TMEM232: variants seen among roughly 807,000 people sequenced by gnomAD.
TMEM232 encodes transmembrane protein 232.
A neutral mutation model predicts 78.8 loss-of-function variants in TMEM232; 80 were observed. The observed-to-expected ratio is 1.01, with a 90% CI of 0.85 to 1.22. The LOEUF is 1.22. Ranked by LOEUF, TMEM232 falls within the 50% of genes most tolerant of loss-of-function variation. The probability of loss-of-function intolerance (pLI) is 0.00; values close to 1 mark genes in which losing one functional copy is unlikely to be tolerated. For synonymous variants in TMEM232, 297 were observed against 254.3 expected (o/e 1.17, Z -1.60); for missense variants, 881 against 742.2 (o/e 1.19, Z -2.17).
At chr5:110,717,268 T>C (rs1797108167) in intron 1 of TMEM232, among the ~76,000 whole-genome samples, 1 of 151,776 alleles carries the variant, frequency 6.6e-6, no homozygotes, top group African/African-American at 2.4e-5. Context: ...AATAAAAGTA[T>C]AAAGTTTTCT....
At chr5:110,636,498 G>A (rs1283141068) in intron 5 of TMEM232, among the ~76,000 whole-genome samples, 1 of 151,982 alleles carries the variant, frequency 6.6e-6, no homozygotes, top group East Asian at 1.9e-4. Flanking sequence ...TGCTAGTCAT[G>A]TAACAAACAC....
chr5:110,433,061 T>A (rs1758037864), intron 12 of TMEM232, among the ~76,000 whole-genome samples: 1 of 151,740 alleles, frequency 6.6e-6, no homozygotes, highest in Admixed American at 6.6e-5. Flanking sequence ...CTCACTGATA[T>A]AATTAGATAG....
chr5:110,490,962 C>G (rs1025792566), intron 12 of TMEM232, among the ~76,000 whole-genome samples: 5 of 152,012 alleles, frequency 3.3e-5, no homozygotes, highest in Admixed American at 6.6e-5. Context: ...AGCAAAAACA[C>G]ACAAAATAAA....
intron 2 of TMEM232, among the ~76,000 whole-genome samples, chr5:110,398,057 C>A (rs1242693972): frequency 1.3e-5 from 2 of 152,080 alleles, no homozygotes; most frequent in African/African-American, 4.8e-5. Flanking sequence ...TATCTCCAAG[C>A]ATCTTATTAA....
rs1356484515 is a variant in TMEM232, at chr5:110,409,827, C to G, written n.309-11973G>C. On this transcript the variant is annotated intron_variant and non_coding_transcript_variant, in intron 2 of 8. Transcript: ENST00000507188. ...ATAGAGCAGGCAAGAGGAGCTCTTT[C>G]TCTGCGCCCCAAACGCTAGCAAATC... Among the ~76,000 whole-genome samples the G allele has an allele frequency of 2.6e-5, 4 of 152,052 alleles. No individual in the cohort carries two copies. The East Asian group carries it at 5.8e-4, about 22-fold the overall frequency.
chr5:110,719,216 T>C (rs1580784019), intron 1 of TMEM232, among the ~76,000 whole-genome samples: 1 of 151,838 alleles, frequency 6.6e-6, no homozygotes, highest in Non-Finnish European at 1.5e-5. Flanking sequence ...TGTGTATATA[T>C]GTATATATGT....
At chr5:110,686,650 A>G (rs1793452827) in intron 1 of TMEM232, among the ~76,000 whole-genome samples, 1 of 152,180 alleles carries the variant, frequency 6.6e-6, no homozygotes, top group Admixed American at 6.6e-5. Context: ...ACATTTCACT[A>G]TATGCAAATT....
intron 2 of TMEM232, among the ~76,000 whole-genome samples, chr5:110,650,977 A>T (rs1788226608): frequency 6.6e-6 from 1 of 152,166 alleles, no homozygotes; most frequent in Non-Finnish European, 1.5e-5. Context: ...TGTATTTTAC[A>T]AAAATAAATG....
chr5:110,652,941 C>G (rs1338512570), intron 2 of TMEM232, among the ~76,000 whole-genome samples: 1 of 152,098 alleles, frequency 6.6e-6, no homozygotes, highest in Non-Finnish European at 1.5e-5. Context: ...ATACTGAAGT[C>G]TCCTGGTTAA....
intron 5 of TMEM232, among the ~76,000 whole-genome samples, chr5:110,628,662 A>AGTGTGT (rs146531604): frequency 0.064 from 8,962 of 140,702 alleles, 486 homozygotes; most frequent in East Asian, 0.19. Context: ...GTCAGTATCC[A>AGTGTGT]GTGTGTGTGT....
At chr5:110,480,393 T>C (rs763400693) in intron 12 of TMEM232, among the ~76,000 whole-genome samples, 1 of 152,056 alleles carries the variant, frequency 6.6e-6, no homozygotes, top group Admixed American at 6.6e-5. Flanking sequence ...AAGTTACAGA[T>C]GTTTCTTCTC....
Position 110,528,602 on chromosome 5 carries a change from T to G in TMEM232, c.1689A>C (p.Leu563=). 6.5e-7 allele frequency: 1 copy of G among 1,530,584 alleles called. No homozygotes were observed. The highest frequency in any genetic ancestry group is 8.7e-7 in the Non-Finnish European group (1 of 1,144,274). The allele number at this position is 1,530,584 out of a possible 1,614,324, so 94.8% of individuals were successfully genotyped here. ...KKLESVKKQV[L]HFTVREHPSV... is the part of the protein sequence containing the mutation. ...CTTCTCTTTACCTTACAGTGAAATGTAGAACTTGCTTTTTCACAGACTCCA... is the reference window on the plus strand; with the variant it reads ...CTTCTCTTTACCTTACAGTGAAATGGAGAACTTGCTTTTTCACAGACTCCA... Residue 563 remains leucine, a synonymous_variant, in exon 12 of 14, where the codon CTA becomes CTC. Coordinates refer to ENST00000455884, the MANE Select transcript of TMEM232 (RefSeq NM_001039763.4).
At chr5:110,496,590 G>C (rs1765669194) in intron 12 of TMEM232, among the ~76,000 whole-genome samples, 1 of 151,996 alleles carries the variant, frequency 6.6e-6, no homozygotes, top group Admixed American at 6.6e-5. Context: ...ATTTATGAGA[G>C]AAGAGAGAAC....
At chr5:110,507,860 T>C (rs1448174185) in intron 12 of TMEM232, among the ~76,000 whole-genome samples, 1 of 152,208 alleles carries the variant, frequency 6.6e-6, no homozygotes, top group Non-Finnish European at 1.5e-5. Context: ...GCTGCCTGCA[T>C]GGCATGCAAT....
chr5:110,397,964 C>T (rs1008357338), intron 2 of TMEM232: 2 of 152,450 alleles, frequency 1.3e-5, no homozygotes, highest in Non-Finnish European at 2.9e-5. Flanking sequence ...ATAGGAGAGG[C>T]TGTAGAATTC....
At chr5:110,391,965 G>T (rs2112557277) in intron 3 of TMEM232, among the ~76,000 whole-genome samples, 1 of 152,266 alleles carries the variant, frequency 6.6e-6, no homozygotes. Context: ...ACATGACATT[G>T]TATCTCCTAC....
intron 13 of TMEM232, among the ~76,000 whole-genome samples, chr5:110,424,400 C>T (rs1003231187): frequency 5.9e-5 from 9 of 152,150 alleles, no homozygotes; most frequent in Admixed American, 4.6e-4. Flanking sequence ...CTTGTATTGC[C>T]ACTGCTTTTT....
chr5:110,622,733 T>C (rs1357782788), intron 7 of TMEM232, among the ~76,000 whole-genome samples: 2 of 151,692 alleles, frequency 1.3e-5, no homozygotes, highest in Non-Finnish European at 2.9e-5. Context: ...GGTCAAATGG[T>C]ATTTCTAGTT....
intron 5 of TMEM232, 108 bp from the exon 6 acceptor site, chr5:110,627,988 A>C: frequency 1.3e-6 from 1 of 770,770 alleles, no homozygotes; most frequent in Non-Finnish European, 2.1e-6. Flanking sequence ...TGAGAAAACA[A>C]TTTTAAACTC....
Sources: allele counts gnomAD v4.1 joint callset (sites outside exome capture counted in the v4.1 genomes callset), GRCh38; gene constraint gnomAD v4.1.1; transcripts MANE v1.5; gene names NCBI Gene and HGNC (gene_info 2026-07-23, HGNC 2026-07-21).